Variants in SNX14 observed in about 807,000 individuals in gnomAD.
SNX14 encodes the protein sorting nexin 14, also known as sorting nexin-14.
SNX14 carries 93 observed loss-of-function variants against 133.8 expected under a neutral mutation model. The observed-to-expected ratio is 0.70, with a 90% CI of 0.59 to 0.83. The LOEUF (loss-of-function observed/expected upper bound fraction) is 0.83, where lower values mean the gene tolerates loss of function less well. SNX14 is among the 40% of genes least tolerant of loss of function. SNX14 has a pLI of 0.00. For synonymous variants in SNX14, 368 were observed against 365.6 expected, an observed-to-expected ratio of 1.01 and a Z score of -0.07; for missense variants, 945 against 1,094.9, an observed-to-expected ratio of 0.86 and a Z score of 1.93.
intron 28 of SNX14, 166 bp downstream of exon 28, chr6:85,507,067 G>C (rs1770964273): frequency 1.6e-6 from 1 of 620,606 alleles, no homozygotes; most frequent in African/African-American, 1.9e-5. Flanking sequence ...AGAATTGTTT[G>C]GGCATGTTTA....
intron 7 of SNX14, among the ~76,000 whole-genome samples, chr6:85,551,363 T>C (rs956723692): frequency 6.6e-6 from 1 of 152,196 alleles, no homozygotes; most frequent in Non-Finnish European, 1.5e-5. Flanking sequence ...GGAAACTCCC[T>C]CCCACTAGAA....
chr6:85,506,320 A>ATT lies in SNX14; in HGVS notation c.2803-317_2803-316dup, dbSNP rs61396032. 4.1e-5 allele frequency among the ~76,000 whole-genome samples: 6 copies of ATT among 145,660 alleles called. No homozygotes were observed. The Admixed American group carries it at 4.1e-4, about 10-fold the overall frequency. On this transcript the variant is annotated intron_variant, in intron 28 of 28. Coordinates refer to ENST00000314673, the MANE Select transcript of SNX14 (RefSeq NM_153816.6). ...CACTTAATATCACAATAACTTGAAAATTTTTTTTTTTTTTTAGATGGAGTC... is the reference window on the plus strand; with the variant it reads ...CACTTAATATCACAATAACTTGAAAATTTTTTTTTTTTTTTTTAGATGGAGTC...
chr6:85,529,787 T>G (rs914628906), intron 19 of SNX14, among the ~76,000 whole-genome samples: 1 of 152,022 alleles, frequency 6.6e-6, no homozygotes, highest in South Asian at 2.1e-4. Context: ...TAAAAAGATT[T>G]AGAACACACA....
rs150079470 is a variant in SNX14, at chr6:85,549,869, T to A, written c.645A>T (p.Thr215=). The change falls in exon 8 of 29, where the codon ACA becomes ACT. Residue 215 remains threonine, a synonymous_variant. Transcript: ENST00000314673. ...CTAAAGCAGCTTGCTGTAAAAACTC[T>A]GTATTTTTTACTATAGAGATTAAAG... ...IVKARQKVKN[T]EFLQQAALEE... is the part of the protein sequence containing the mutation. 34 of 1,603,418 alleles carry A rather than the reference T, an allele frequency of 2.1e-5. No individual in the cohort carries two copies. Among genetic ancestry groups the A allele is most frequent in the Non-Finnish European group, 2.7e-5 (32 of 1,176,366 alleles).
chr6:85,512,608 T>C (rs1582474434), intron 26 of SNX14, among the ~76,000 whole-genome samples: 1 of 123,084 alleles, frequency 8.1e-6, no homozygotes, highest in Admixed American at 9.4e-5. Flanking sequence ...GGTGACACAG[T>C]GGGGCTCTGT....
chr6:85,562,543 A>G (rs2128153514), intron 6 of SNX14, among the ~76,000 whole-genome samples: 1 of 150,742 alleles, frequency 6.6e-6, no homozygotes, highest in Admixed American at 6.6e-5. Flanking sequence ...TACTTTTTAT[A>G]AATTATACTG....
intron 1 of SNX14, among the ~76,000 whole-genome samples, chr6:85,583,823 C>T (rs555027550): frequency 1.3e-5 from 2 of 151,968 alleles, no homozygotes; most frequent in Non-Finnish European, 2.9e-5. Flanking sequence ...CCATACTGCC[C>T]AAAGTAATTT....
chr6:85,549,680 G>C, intron 8 of SNX14, 43 bp downstream of exon 8: 1 of 1,531,546 alleles, frequency 6.5e-7, no homozygotes, highest in Non-Finnish European at 8.8e-7. Context: ...TATACATATG[G>C]CATGTTATGC....
rs895280906 is a variant in SNX14 at position 85,511,706 on chromosome 6, C to T, written c.2653+2094G>A. 7.9e-5 allele frequency among the ~76,000 whole-genome samples: 12 copies of T among 152,300 alleles called. No individual in the cohort carries two copies. In the South Asian group the frequency reaches 1.2e-3, roughly 16 times the overall value. On this transcript the variant is annotated intron_variant, in intron 26 of 28. Transcript: ENST00000314673. The stretch of plus-strand genomic sequence containing the variant: ...TGTGATGATGGACTACCTTAATTGA[C>T]TTTTGAATGAATGCTGAACCAGCCT...
chr6:85,528,315 T>G lies in SNX14; in HGVS notation c.1942A>C (p.Lys648Gln). 2 of 1,613,392 alleles carry G rather than the reference T, an allele frequency of 1.2e-6. No individual in the cohort carries two copies. The highest frequency in any genetic ancestry group is 1.7e-6 in the Non-Finnish European group (2 of 1,179,622). Reference protein sequence around the residue: ...QLPSKRIIGPKNYEFLKSKRE... With the variant: ...QLPSKRIIGPQNYEFLKSKRE... ...TTTGACTTTAAGAATTCATAATTTT[T>G]GGGGCCAATGATCCTCTTAGAAGGA... Residue 648 changes from lysine (K) to glutamine (Q), a missense_variant, in exon 20 of 29, where the codon AAA becomes CAA. Physicochemically the swap from Lys to Gln is moderately conservative, Grantham distance 53. Coordinates refer to ENST00000314673, the MANE Select transcript of SNX14 (RefSeq NM_153816.6).
chr6:85,538,067 G>A (rs1025288319), intron 16 of SNX14, among the ~76,000 whole-genome samples: 2 of 152,092 alleles, frequency 1.3e-5, no homozygotes, highest in Non-Finnish European at 2.9e-5. Flanking sequence ...ACTCCTATGA[G>A]AAAAATTAAG....
At chr6:85,524,106 C>T (rs928230307) in intron 21 of SNX14, among the ~76,000 whole-genome samples, 4 of 151,836 alleles carry the variant, frequency 2.6e-5, no homozygotes, top group South Asian at 4.2e-4. Context: ...TGCTTGAACC[C>T]GGGAGGCGGA....
chr6:85,554,197 C>T (rs2128123910), intron 7 of SNX14, among the ~76,000 whole-genome samples: 2 of 151,944 alleles, frequency 1.3e-5, no homozygotes, highest in South Asian at 4.2e-4. Context: ...AGTAAGATCC[C>T]ACACAATCAT....
chr6:85,566,455 TG>T (rs1397658010), intron 5 of SNX14, among the ~76,000 whole-genome samples: 1 of 152,050 alleles, frequency 6.6e-6, no homozygotes, highest in Non-Finnish European at 1.5e-5. Context: ...CCCAACACTT[TG>T]GGAGGCCGAG....
chr6:85,565,499 CT>C, intron 5 of SNX14, 80 bp from the exon 6 acceptor site: 2 of 1,061,326 alleles, frequency 1.9e-6, no homozygotes, highest in East Asian at 2.7e-5. Context: ...GAAAATTTTC[CT>C]TTTTTCTGTT....
At position 85,507,730 on chromosome 6, in the gene SNX14, G is replaced by T. The variant is rs4304137; in HGVS notation, c.2745+238C>A. Among the ~76,000 whole-genome samples, 111,959 of 151,994 alleles carry T rather than the reference G, an allele frequency of 0.74. 42,580 individuals are homozygous for T. Among genetic ancestry groups the T allele is most frequent in the African/African-American group, 0.92 (38,258 of 41,526 alleles). On this transcript the variant is annotated intron_variant, in intron 27 of 28. Transcript: ENST00000314673. ...TTACTGTATTTCATGAATTTTCTAT[G>T]CCAAATTTTCTACAATTACTATATA...
At position 85,572,168 on chromosome 6, in the gene SNX14, A is replaced by G; in HGVS notation, c.386T>C (p.Ile129Thr). ...ENYQPWLDLK[I>T]SSKVDASLSE... ...GAGAGATGCATCAACCTTGGAAGAAATTTTCAGGTCTAGCCATGGCTGGTA... is the reference window on the plus strand; with the variant it reads ...GAGAGATGCATCAACCTTGGAAGAAGTTTTCAGGTCTAGCCATGGCTGGTA... The change falls in exon 4 of 29, where the codon ATT becomes ACT. Residue 129 changes from isoleucine (I) to threonine (T), a missense_variant. Transcript: ENST00000314673. The G allele has an allele frequency of 6.2e-7, 1 of 1,613,780 alleles. No individual in the cohort carries two copies. Among genetic ancestry groups the G allele is most frequent in the Non-Finnish European group, 8.5e-7 (1 of 1,179,908 alleles).
chr6:85,524,879 G>T (rs184774377), intron 21 of SNX14, among the ~76,000 whole-genome samples: 45 of 152,056 alleles, frequency 3.0e-4, no homozygotes, highest in Non-Finnish European at 5.4e-4. Context: ...CATGCCAGGG[G>T]TTTATGGGAT....
intron 14 of SNX14, among the ~76,000 whole-genome samples, chr6:85,542,332 T>C (rs906396155): frequency 6.6e-6 from 1 of 152,222 alleles, no homozygotes; most frequent in African/African-American, 2.4e-5. Flanking sequence ...ATCTATCTAC[T>C]TACACAAATA....
Sources: gnomAD v4.1 joint callset for allele counts (sites outside exome capture counted in the v4.1 genomes callset) on GRCh38, gnomAD v4.1.1 for gene constraint, MANE v1.5 for transcripts, NCBI Gene and HGNC (gene_info 2026-07-23, HGNC 2026-07-21) for gene names.